ANXA10: variants seen among roughly 807,000 people sequenced by gnomAD.
ANXA10 encodes annexin 14.
In ANXA10, 49 loss-of-function variants were observed where a neutral mutation model predicts 53.5. The observed-to-expected ratio is 0.92, with a 90% CI of 0.73 to 1.16. The LOEUF (loss-of-function observed/expected upper bound fraction) is 1.16, where lower values mean the gene tolerates loss of function less well. Ranked by LOEUF, ANXA10 falls within the 50% of genes most tolerant of loss-of-function variation. The pLI, the probability that ANXA10 is intolerant of heterozygous loss-of-function variation, is 0.00. For synonymous variants in ANXA10, 131 were observed against 128.9 expected (o/e 1.02, Z -0.11); for missense variants, 393 against 394.4 (o/e 1.00, Z 0.03).
At chr4:168,136,113 C>T (rs563400783) in intron 2 of ANXA10, among the ~76,000 whole-genome samples, 6 of 152,238 alleles carry the variant, frequency 3.9e-5, no homozygotes, top group African/African-American at 1.4e-4. Context: ...AGAAGACCAG[C>T]AAGGGGGAAA....
At chr4:168,161,819 G>T (rs1731789161) in intron 3 of ANXA10, among the ~76,000 whole-genome samples, 1 of 152,000 alleles carries the variant, frequency 6.6e-6, no homozygotes, top group Non-Finnish European at 1.5e-5. Context: ...TATTCCTTTT[G>T]TAGCAATTGT....
intron 1 of ANXA10, among the ~76,000 whole-genome samples, chr4:168,119,778 G>A (rs1730956009): frequency 6.6e-6 from 1 of 152,070 alleles, no homozygotes; most frequent in Non-Finnish European, 1.5e-5. Flanking sequence ...ATGAAATTTG[G>A]TTGTGTCCCC....
chr4:168,134,915 C>T (rs1008187943), intron 2 of ANXA10, among the ~76,000 whole-genome samples: 6 of 152,182 alleles, frequency 3.9e-5, no homozygotes, highest in Non-Finnish European at 8.8e-5. Context: ...TTATTCATAG[C>T]CTTCCTGTGA....
At chr4:168,118,446 G>A (rs1031291663) in intron 1 of ANXA10, among the ~76,000 whole-genome samples, 1 of 152,144 alleles carries the variant, frequency 6.6e-6, no homozygotes, top group Non-Finnish European at 1.5e-5. Flanking sequence ...TGTGCTCTCA[G>A]CTCCTGAAAA....
At chr4:168,159,920 C>G (rs1191406025) in intron 3 of ANXA10, among the ~76,000 whole-genome samples, 1 of 152,168 alleles carries the variant, frequency 6.6e-6, no homozygotes, top group African/African-American at 2.4e-5. Flanking sequence ...TGAACCACCT[C>G]AGAACCAAAG....
intron 6 of ANXA10, among the ~76,000 whole-genome samples, chr4:168,174,003 A>G (rs540578168): frequency 6.6e-6 from 1 of 152,140 alleles, no homozygotes; most frequent in South Asian, 2.1e-4. Flanking sequence ...GGGAGGAACT[A>G]CCTGACTTTG....
intron 1 of ANXA10, among the ~76,000 whole-genome samples, chr4:168,123,655 T>C (rs1042679045): frequency 6.6e-6 from 1 of 152,120 alleles, no homozygotes; most frequent in Admixed American, 6.5e-5. Flanking sequence ...CAAATGTAGA[T>C]GTCTAGTTGG....
intron 3 of ANXA10, among the ~76,000 whole-genome samples, chr4:168,151,728 A>T (rs868501632): frequency 6.6e-6 from 1 of 152,352 alleles, no homozygotes; most frequent in African/African-American, 2.4e-5. Context: ...TTATTTAAAC[A>T]TGTTATTCGA....
chr4:168,157,733 T>G (rs974085253), intron 3 of ANXA10, among the ~76,000 whole-genome samples: 1 of 152,212 alleles, frequency 6.6e-6, no homozygotes, highest in Admixed American at 6.5e-5. Context: ...ATATGTGCTC[T>G]TTTATGTCTA....
intron 1 of ANXA10, 55 bp from the exon 2 acceptor site, chr4:168,128,029 G>A: frequency 6.6e-7 from 1 of 1,510,684 alleles, no homozygotes; most frequent in Non-Finnish European, 9.2e-7. Flanking sequence ...CGGCCACAAT[G>A]TTGAAACATT....
rs1224724003 is a variant in ANXA10 at position 168,179,350 on chromosome 4, A to G, written c.724+38A>G. On this transcript the variant is annotated intron_variant, in intron 9 of 11. Transcript: ENST00000359299. ...TTATTTGAAGCACAACAGACATTTT[A>G]TTTCTCTATAAATGCTGAGTGGCTC... 4.3e-6 allele frequency: 6 copies of G among 1,407,222 alleles called. No homozygotes were observed. In the South Asian group the frequency reaches 6.0e-5, roughly 14 times the overall value. The allele number at this position is 1,407,222 out of a possible 1,614,324, so 87.2% of individuals were successfully genotyped here.
At chr4:168,147,793 C>A (rs1467301646) in intron 3 of ANXA10, among the ~76,000 whole-genome samples, 1 of 152,184 alleles carries the variant, frequency 6.6e-6, no homozygotes, top group Non-Finnish European at 1.5e-5. Context: ...TCCTGCTCCA[C>A]AAAGGCAAAT....
At chr4:168,164,856 C>T (rs530945147) in intron 5 of ANXA10, among the ~76,000 whole-genome samples, 36 of 152,092 alleles carry the variant, frequency 2.4e-4, no homozygotes, top group African/African-American at 8.2e-4. Context: ...TGCATTCAAA[C>T]AAAAACAAGA....
rs573746271 is a variant in ANXA10, at chr4:168,172,610, T to C, written c.481-5130T>C. On this transcript the variant is annotated intron_variant, in intron 6 of 11. Transcript: ENST00000359299. Reference sequence around the variant, plus strand: ...GGGAATTATTGGTGTACAGAAGAGATAAAGATCCCAGCCAGCCCTTAAGAT... The same window carrying C: ...GGGAATTATTGGTGTACAGAAGAGACAAAGATCCCAGCCAGCCCTTAAGAT... Among the ~76,000 whole-genome samples the C allele has an allele frequency of 7.3e-4, 111 of 152,278 alleles. 1 individual carries two copies. Among genetic ancestry groups the C allele is most frequent in the African/African-American group, 2.6e-3 (108 of 41,564 alleles).
intron 2 of ANXA10, among the ~76,000 whole-genome samples, chr4:168,135,719 G>T (rs532767767): frequency 1.3e-5 from 2 of 152,184 alleles, no homozygotes; most frequent in East Asian, 3.9e-4. Flanking sequence ...AGCATGACAG[G>T]TTCACTCTAT....
chr4:168,174,084 A>G (rs7685602), intron 6 of ANXA10, among the ~76,000 whole-genome samples: 16,755 of 151,738 alleles, frequency 0.11, 1,710 homozygotes, highest in African/African-American at 0.27. Context: ...AAAACCCTTC[A>G]CCTTGCTCAC....
chr4:168,103,866 A>T (rs530740204), intron 1 of ANXA10, among the ~76,000 whole-genome samples: 1 of 151,934 alleles, frequency 6.6e-6, no homozygotes, highest in African/African-American at 2.4e-5. Flanking sequence ...TCCAATATGT[A>T]TAATGCTTAT....
intron 3 of ANXA10, among the ~76,000 whole-genome samples, chr4:168,153,188 G>C (rs1015334461): frequency 6.6e-6 from 1 of 152,040 alleles, no homozygotes; most frequent in East Asian, 1.9e-4. Flanking sequence ...GGTAAAGATC[G>C]TAGCAGTAAA....
intron 3 of ANXA10, among the ~76,000 whole-genome samples, chr4:168,144,421 A>T (rs1208424877): frequency 6.6e-6 from 1 of 152,156 alleles, no homozygotes; most frequent in Non-Finnish European, 1.5e-5. Flanking sequence ...TCCTGACCTC[A>T]GGTGATCCAC....
Sources: gnomAD v4.1 joint callset for allele counts (sites outside exome capture counted in the v4.1 genomes callset) on GRCh38, gnomAD v4.1.1 for gene constraint, MANE v1.5 for transcripts, NCBI Gene and HGNC (gene_info 2026-07-23, HGNC 2026-07-21) for gene names.